TSBP1: variants seen among roughly 807,000 people sequenced by gnomAD.
The protein encoded by TSBP1 is testis-expressed basic protein 1.
TSBP1 carries 56 observed loss-of-function variants against 68.8 expected under a neutral mutation model. That is an observed-to-expected ratio of 0.81 (90% CI 0.66 to 1.02). The LOEUF (loss-of-function observed/expected upper bound fraction) is 1.02. TSBP1 is among the 50% of genes least tolerant of loss of function. TSBP1 has a pLI of 0.00. For missense variants in TSBP1, 502 were observed against 641.2 expected (o/e 0.78, Z 2.34); for synonymous variants, 171 against 208.7 (o/e 0.82, Z 1.56).
In TSBP1 at chr6:32,308,805, A is replaced by G. The variant is rs117041168; in HGVS notation, c.581-6176T>C. Among the ~76,000 whole-genome samples the G allele has an allele frequency of 6.7e-3, 1,018 of 152,160 alleles. 18 individuals are homozygous for G. Among genetic ancestry groups the G allele is most frequent in the East Asian group, 0.02 (103 of 5,186 alleles). ...ATATATTTAATAAGATGAAAAGTTAATCAGTACATCTGACCTTTTGTCAAA... is the reference window on the plus strand; with the variant it reads ...ATATATTTAATAAGATGAAAAGTTAGTCAGTACATCTGACCTTTTGTCAAA... On this transcript the variant is annotated intron_variant, in intron 19 of 22. Transcript: ENST00000612031.
At chr6:32,311,091 C>T (rs1766361671) in intron 19 of TSBP1, among the ~76,000 whole-genome samples, 1 of 151,922 alleles carries the variant, frequency 6.6e-6, no homozygotes, top group South Asian at 2.1e-4. Flanking sequence ...TGCTGCGAGA[C>T]CCCCCCTTTA....
At position 32,349,195 on chromosome 6, in the gene TSBP1, C is replaced by CTT. The variant is rs9279592; in HGVS notation, c.349+543_349+544dup. On this transcript the variant is annotated intron_variant, in intron 9 of 22. Coordinates refer to ENST00000612031, the Ensembl canonical transcript of TSBP1. ...TGGCTCAAAAACTATCCATTTCTTTCTTTTTTTTTTTTTTTTTGCAGGGGA... is the reference window on the plus strand; with the variant it reads ...TGGCTCAAAAACTATCCATTTCTTTCTTTTTTTTTTTTTTTTTTTGCAGGGGA... 6.6e-3 allele frequency among the ~76,000 whole-genome samples: 891 copies of CTT among 134,394 alleles called. 9 individuals are homozygous for CTT. The highest frequency in any genetic ancestry group is 0.031 in the East Asian group (145 of 4,722). 88.2% of individuals were successfully genotyped at this position (134,394 alleles called of 152,430 possible).
At chr6:32,346,000 C>A (rs1770971151) in intron 9 of TSBP1, among the ~76,000 whole-genome samples, 1 of 62,132 alleles carries the variant, frequency 1.6e-5, no homozygotes, top group Admixed American at 1.6e-4. Flanking sequence ...GTGTCATATC[C>A]TCATTTTTTT....
intron 19 of TSBP1, among the ~76,000 whole-genome samples, chr6:32,305,335 A>G (rs1765692828): frequency 6.6e-6 from 1 of 152,178 alleles, no homozygotes; most frequent in African/African-American, 2.4e-5. Flanking sequence ...AAGTAAATTT[A>G]CTGAAGCTCT....
At chr6:32,366,851 T>C (rs761432668) in intron 4 of TSBP1, among the ~76,000 whole-genome samples, 6 of 151,984 alleles carry the variant, frequency 3.9e-5, no homozygotes, top group Non-Finnish European at 7.4e-5. Flanking sequence ...TCCCATTTTC[T>C]TTAGGTTCCA....
chr6:32,355,271 T>C (rs1772173739), intron 7 of TSBP1, 127 bp from the exon 8 acceptor site: 1 of 872,386 alleles, frequency 1.1e-6, no homozygotes, highest in Non-Finnish European at 1.9e-6. Flanking sequence ...GAGTCATCAC[T>C]GATCTGGTGA....
In TSBP1 at chr6:32,365,290, A is replaced by T. The variant is rs1773563592; in HGVS notation, c.217+877T>A. The T allele has an allele frequency of 2.2e-6, 1 of 456,698 alleles. No individual in the cohort carries two copies. The highest frequency in any genetic ancestry group is 2.4e-5 in the Admixed American group (1 of 42,546). 28.3% of individuals were successfully genotyped at this position (456,698 alleles called of 1,614,324 possible). On this transcript the variant is annotated intron_variant, in intron 6 of 22. Transcript: ENST00000612031. The surrounding 1 kb of genome is among the most constrained non-coding windows in gnomAD (Gnocchi z 4.3). Reference sequence around the variant, plus strand: ...GTTTTCCCTAGGGTGGTGCTCTGGAATTCTCAAGTTTGTGTCCTTTTTTCC... The same window carrying T: ...GTTTTCCCTAGGGTGGTGCTCTGGATTTCTCAAGTTTGTGTCCTTTTTTCC...
Position 32,325,207 on chromosome 6 carries a change from C to A in TSBP1, c.515-1593G>T. The A allele has an allele frequency of 1.6e-6, 1 of 641,972 alleles. No individual in the cohort carries two copies. The highest frequency in any genetic ancestry group is 2.7e-6 in the Non-Finnish European group (1 of 369,954). The allele number at this position is 641,972 out of a possible 1,614,324, so 39.8% of individuals were successfully genotyped here. On this transcript the variant is annotated intron_variant, in intron 16 of 22. Coordinates refer to ENST00000612031, the Ensembl canonical transcript of TSBP1. The surrounding 1 kb of genome is among the most constrained non-coding windows in gnomAD (Gnocchi z 4.4). Reference sequence around the variant, plus strand: ...AAGAAGCATCATTAAAGTCTCTCTTCTCCTGGCCGTCTTATCTAAGTCAGA... The same window carrying A: ...AAGAAGCATCATTAAAGTCTCTCTTATCCTGGCCGTCTTATCTAAGTCAGA...
intron 18 of TSBP1, 114 bp downstream of exon 20, chr6:32,322,372 A>G (rs1767731760): frequency 1.3e-6 from 1 of 762,002 alleles, no homozygotes; most frequent in Non-Finnish European, 2.3e-6. Flanking sequence ...AATCTTGAAG[A>G]CTTTGGGTAA....
chr6:32,365,230 G>A lies in TSBP1; in HGVS notation c.217+937C>T, dbSNP rs532973728. ...TAAGATTGTGCTTTCTCTCAATCCT[G>A]CAAAGCCAGTCCAGGTTCTGAGAGC... On this transcript the variant is annotated intron_variant, in intron 6 of 22. Transcript: ENST00000612031. This position sits in a 1 kb window ranked among gnomAD's most constrained non-coding sequence, Gnocchi z 4.3. 25 of 436,986 alleles carry A rather than the reference G, an allele frequency of 5.7e-5. No homozygotes were observed. The highest frequency in any genetic ancestry group is 1.1e-4 in the Non-Finnish European group (24 of 218,224). 27.1% of individuals were successfully genotyped at this position (436,986 alleles called of 1,614,324 possible). A position where few individuals can be genotyped will look rare whatever the true frequency, so the allele number is the denominator to read the frequency against.
rs771818794 is a variant in TSBP1 at position 32,339,019 on chromosome 6, G to C, written c.389-20C>G. The C allele has an allele frequency of 6.2e-7, 1 of 1,608,680 alleles. No homozygotes were observed. The highest frequency in any genetic ancestry group is 1.7e-5 in the Admixed American group (1 of 59,984). On this transcript the variant is annotated intron_variant, in intron 10 of 22. Coordinates refer to ENST00000612031, the Ensembl canonical transcript of TSBP1. ...TTCTGGCTAAAATACAAACAAAAAA[G>C]GTGAGTTTGAAGAGAGCATGACTCA...
exon 9 of TSBP1, chr6:32,349,783 A>T (rs777376441): frequency 6.2e-7 from 1 of 1,610,732 alleles, no homozygotes; most frequent in Non-Finnish European, 8.5e-7. Context: ...ACATCAAAAG[A>T]AGAATGAGTT....
Position 32,333,598 on chromosome 6 carries a change from T to TA in TSBP1, c.473-1545_473-1544insT, listed in dbSNP as rs34123168. On this transcript the variant is annotated intron_variant, in intron 14 of 22. Coordinates refer to ENST00000612031, the Ensembl canonical transcript of TSBP1. This position sits in a 1 kb window ranked among gnomAD's most constrained non-coding sequence, Gnocchi z 4.2. ...GGTCCTAGGTGGCTATGTGGACACCTGCATAGATCATGGCGAGTACTACTC... is the reference window on the plus strand; with the variant it reads ...GGTCCTAGGTGGCTATGTGGACACCTAGCATAGATCATGGCGAGTACTACTC... Among the ~76,000 whole-genome samples, 51,033 of 151,986 alleles carry TA rather than the reference T, an allele frequency of 0.34. 9,608 individuals are homozygous for TA. Among genetic ancestry groups the TA allele is most frequent in the Middle Eastern group, 0.52 (151 of 292 alleles).
At chr6:32,318,305 G>A (rs911351000) in intron 18 of TSBP1, among the ~76,000 whole-genome samples, 1 of 152,160 alleles carries the variant, frequency 6.6e-6, no homozygotes, top group Non-Finnish European at 1.5e-5. Context: ...GAAGGGTGGA[G>A]GGTGAGAGGA....
At chr6:32,366,452 C>T in intron 4 of TSBP1, 150 bp from the exon 5 acceptor site, 1 of 821,886 alleles carries the variant, frequency 1.2e-6, no homozygotes, top group South Asian at 1.5e-5. Flanking sequence ...ATTAACTTTA[C>T]CAACAGTTCA....
Position 32,308,938 on chromosome 6 carries a change from TCTC to T in TSBP1, c.581-6312_581-6310del, listed in dbSNP as rs199511564. Among the ~76,000 whole-genome samples, 264 of 148,198 alleles carry T rather than the reference TCTC, an allele frequency of 1.8e-3. 10 individuals are homozygous for T. The highest frequency in any genetic ancestry group is 0.012 in the Admixed American group (173 of 14,596). On this transcript the variant is annotated intron_variant, in intron 19 of 22. Coordinates refer to ENST00000612031, the Ensembl canonical transcript of TSBP1. ...ATATATTTCTCCTTCACTCTCTCCT[TCTC>T]CTTCTTTTCTTCCTGCTTTTTTTTT...
At chr6:32,342,121 T>C (rs933236477) in intron 9 of TSBP1, among the ~76,000 whole-genome samples, 3 of 151,914 alleles carry the variant, frequency 2.0e-5, no homozygotes, top group African/African-American at 7.3e-5. Context: ...CTCTTTGGTT[T>C]TCCTCCCTTC....
intron 19 of TSBP1, among the ~76,000 whole-genome samples, chr6:32,310,759 A>T (rs1428592050): frequency 7.5e-6 from 1 of 133,166 alleles, no homozygotes; most frequent in Non-Finnish European, 1.6e-5. Flanking sequence ...ATATATATAT[A>T]TATTTTTAAT....
rs1415380785 is a variant in TSBP1, at chr6:32,315,369, C to T, written c.580+403G>A. Among the ~76,000 whole-genome samples the T allele has an allele frequency of 1.3e-5, 2 of 152,080 alleles. No individual in the cohort carries two copies. Among genetic ancestry groups the T allele is most frequent in the Non-Finnish European group, 2.9e-5 (2 of 68,026 alleles). Reference sequence around the variant, plus strand: ...CTTGAGGTCAGGAGTTCAAGAACAGCCTGGCCAAATGAGGAAACCCTGTCT... The same window carrying T: ...CTTGAGGTCAGGAGTTCAAGAACAGTCTGGCCAAATGAGGAAACCCTGTCT... On this transcript the variant is annotated intron_variant, in intron 19 of 22. Transcript: ENST00000612031. This position sits in a 1 kb window ranked among gnomAD's most constrained non-coding sequence, Gnocchi z 5.4.
Sources: gnomAD v4.1 joint callset for allele counts (sites outside exome capture counted in the v4.1 genomes callset) on GRCh38, gnomAD v4.1.1 for gene constraint, Gnocchi (gnomAD v3.1) non-coding constraint, MANE v1.5 for transcripts, NCBI Gene and HGNC (gene_info 2026-07-23, HGNC 2026-07-21) for gene names.